PGAM5: variants seen among roughly 807,000 people sequenced by gnomAD.
PGAM5 encodes PGAM family member 5, mitochondrial serine/threonine protein phosphatase, also known as serine/threonine-protein phosphatase PGAM5, mitochondrial.
Under a neutral mutation model 30.6 loss-of-function variants are expected in PGAM5, and 25 were observed. The observed-to-expected ratio is 0.82, with a 90% CI of 0.60 to 1.14. The LOEUF (loss-of-function observed/expected upper bound fraction) is 1.14. Ranked by LOEUF, PGAM5 falls within the 50% of genes most tolerant of loss-of-function variation. The pLI, the probability that PGAM5 is intolerant of heterozygous loss-of-function variation, is 0.00. For synonymous variants in PGAM5, 201 were observed against 179.1 expected, an observed-to-expected ratio of 1.12 and a Z score of -0.98; for missense variants, 384 against 408.5, an observed-to-expected ratio of 0.94 and a Z score of 0.52.
chr12:132,715,078 T>C, intron 2 of PGAM5, 42 bp downstream of exon 2: 2 of 1,502,404 alleles, frequency 1.3e-6, no homozygotes, highest in Non-Finnish European at 1.8e-6. Flanking sequence ...CTCGTGGTTA[T>C]GTGGCCAGGT....
At position 132,710,906 on chromosome 12, in the gene PGAM5, G is replaced by A. The variant is rs1037229855; in HGVS notation, c.30G>A (p.Ala10=). Residue 10 remains alanine (A), a synonymous_variant, in exon 1 of 6, where the codon GCG becomes GCA. Coordinates refer to ENST00000498926, the MANE Select transcript of PGAM5 (RefSeq NM_001170543.2). ...CGTTCCGGCAGGCGCTGCAGCTGGC[G>A]GCCTGCGGGCTGGCCGGGGGCTCGG... The part of the protein sequence containing the change: MAFRQALQL[A]ACGLAGGSAA... 166 of 1,147,158 alleles carry A rather than the reference G, an allele frequency of 1.4e-4. No individual in the cohort carries two copies. Among genetic ancestry groups the A allele is most frequent in the Non-Finnish European group, 1.6e-4 (151 of 935,170 alleles). The allele number at this position is 1,147,158 out of a possible 1,614,324, so 71.1% of individuals were successfully genotyped here. A position where few individuals can be genotyped will look rare whatever the true frequency, so the allele number is the denominator to read the frequency against.
At position 132,717,764 on chromosome 12, in the gene PGAM5, A is replaced by T; in HGVS notation, c.551A>T (p.Asp184Val). Residue 184 changes from aspartate to valine, a missense_variant, in exon 4 of 6, where the codon GAC (aspartate) becomes GTC (valine). Physicochemically the swap from Asp to Val is radical, Grantham distance 152. Coordinates refer to ENST00000498926, the MANE Select transcript of PGAM5 (RefSeq NM_001170543.2). ...CGGGAAGGCGCCCCCATCGAGCCAGACCCGCCCGTGTCTCATTGGAAGCCG... is the reference window on the plus strand; with the variant it reads ...CGGGAAGGCGCCCCCATCGAGCCAGTCCCGCCCGTGTCTCATTGGAAGCCG... ...LLREGAPIEPDPPVSHWKPEA... is the reference protein window; with the variant it reads ...LLREGAPIEPVPPVSHWKPEA... 6.3e-7 allele frequency: 1 copy of T among 1,586,408 alleles called. No homozygotes were observed. The highest frequency in any genetic ancestry group is 8.6e-7 in the Non-Finnish European group (1 of 1,166,750).
chr12:132,711,382 C>CT, intron 1 of PGAM5: 1 of 207,352 alleles, frequency 4.8e-6, no homozygotes, highest in East Asian at 1.0e-4. Flanking sequence ...GCCGGGCCTC[C>CT]TTCAGGGGCG....
intron 1 of PGAM5, chr12:132,711,489 A>C (rs1008918072): frequency 6.5e-6 from 1 of 153,042 alleles, no homozygotes; most frequent in African/African-American, 2.4e-5. Context: ...ACGTCAATTT[A>C]AACTTAACGC....
chr12:132,717,711 C>T lies in PGAM5; in HGVS notation c.498C>T (p.Gly166=), dbSNP rs779878029. 5.7e-6 allele frequency: 9 copies of T among 1,571,070 alleles called. No homozygotes were observed. The highest frequency in any genetic ancestry group is 2.7e-5 in the African/African-American group (2 of 73,902). ...TTDIISRHLP[G]VCKVSTDLLR... The stretch of plus-strand genomic sequence containing the variant: ...GCGCTTCGCTGTGCTTCTCTGCAGG[C>T]GTCTGCAAAGTCAGCACAGATCTGC... Residue 166 remains glycine (G), a splice_region_variant and synonymous_variant, in exon 4 of 6, where the codon GGC becomes GGT. Coordinates refer to ENST00000498926, the MANE Select transcript of PGAM5 (RefSeq NM_001170543.2).
chr12:132,715,174 C>T, intron 2 of PGAM5, 138 bp downstream of exon 2: 2 of 821,364 alleles, frequency 2.4e-6, no homozygotes, highest in Non-Finnish European at 3.7e-6. Flanking sequence ...GTGCTTGGGG[C>T]ACTGGGCCTC....
chr12:132,713,819 CACCT>C (rs2043546194), intron 1 of PGAM5, among the ~76,000 whole-genome samples: 1 of 151,962 alleles, frequency 6.6e-6, no homozygotes, highest in Non-Finnish European at 1.5e-5. Context: ...AGCTGTGGAC[CACCT>C]TGCCCGGCTA....
chr12:132,714,156 C>T (rs868056706), intron 1 of PGAM5, among the ~76,000 whole-genome samples: 2 of 151,898 alleles, frequency 1.3e-5, no homozygotes, highest in African/African-American at 4.8e-5. Flanking sequence ...TAGCTGGGAT[C>T]ACAGGCGTGT....
Position 132,720,902 on chromosome 12 carries a change from C to A in PGAM5, c.*74C>A. ...ACTTAACGTTTTGTTCCCAAGGAGA[C>A]CGGCGGAAAGTAGAAACCTGCAATG... On this transcript the variant is annotated 3_prime_UTR_variant, in exon 6 of 6. Coordinates refer to ENST00000498926, the MANE Select transcript of PGAM5 (RefSeq NM_001170543.2). 1 of 1,456,876 alleles carries A rather than the reference C, an allele frequency of 6.9e-7. No individual in the cohort carries two copies. The allele number at this position is 1,456,876 out of a possible 1,614,324, so 90.2% of individuals were successfully genotyped here. A position where few individuals can be genotyped will look rare whatever the true frequency, so the allele number is the denominator to read the frequency against.
chr12:132,717,319 TGCGGGCGGAG>T, intron 2 of PGAM5, 110 bp from the exon 3 acceptor site: 1 of 1,145,504 alleles, frequency 8.7e-7, no homozygotes, highest in East Asian at 3.1e-5. Context: ...AGGGGGTGTT[TGCGGGCGGAG>T]GAGGGGGTGT....
chr12:132,711,019 C>CG lies in PGAM5; in HGVS notation c.149dup (p.Ala51ArgfsTer79). 2.5e-6 allele frequency: 3 copies of CG among 1,214,124 alleles called. No individual in the cohort carries two copies. Among genetic ancestry groups the CG allele is most frequent in the Admixed American group, 4.4e-5 (1 of 22,894 alleles). 75.2% of individuals were successfully genotyped at this position (1,214,124 alleles called of 1,614,324 possible). A position where few individuals can be genotyped will look rare whatever the true frequency, so the allele number is the denominator to read the frequency against. On this transcript the variant is annotated frameshift_variant, in exon 1 of 6. Transcript: ENST00000498926. LOFTEE classifies it high-confidence loss of function. ...CGCCCGGCTGAGCCGCCGGCCTGGG[C>CG]GGGGGGCGCGCGGCCGGGCCCCGGT... is the stretch of plus-strand genomic sequence containing the variant.
chr12:132,711,107 G>T (rs761551222), intron 1 of PGAM5, 40 bp downstream of exon 1: 357 of 1,186,230 alleles, frequency 3.0e-4, no homozygotes, highest in East Asian at 4.8e-4. Context: ...CGGGATGGGG[G>T]TCAGGGCAGG....
chr12:132,717,535 C>G lies in PGAM5; in HGVS notation c.467C>G (p.Thr156Ser). The G allele has an allele frequency of 1.2e-6, 2 of 1,610,872 alleles. No homozygotes were observed. The highest frequency in any genetic ancestry group is 1.7e-6 in the Non-Finnish European group (2 of 1,179,904). The change falls in exon 3 of 6, where the codon ACC becomes AGC. Residue 156 changes from threonine to serine, a missense_variant. Physicochemically the swap from Thr to Ser is moderately conservative, Grantham distance 58. Transcript: ENST00000498926. Reference protein sequence around the residue: ...VHSSMTRAIETTDIISRHLPG... With the variant: ...VHSSMTRAIESTDIISRHLPG... ...TCGTCTATGACGCGCGCCATAGAGA[C>G]CACCGATATCATCAGCCGGCACCTG...
chr12:132,718,907 C>A, intron 5 of PGAM5: 1 of 1,591,812 alleles, frequency 6.3e-7, no homozygotes, highest in Non-Finnish European at 8.6e-7. Context: ...ACAGCTGAGT[C>A]ACGTTGCTGC....
intron 5 of PGAM5, among the ~76,000 whole-genome samples, chr12:132,719,856 G>A (rs192609404): frequency 1.5e-4 from 23 of 152,240 alleles, no homozygotes; most frequent in African/African-American, 3.6e-4. Context: ...CCGCAAATGC[G>A]AATTGTGCCT....
intron 4 of PGAM5, 32 bp from the exon 5 acceptor site, chr12:132,717,955 T>G (rs563547261): frequency 6.2e-7 from 1 of 1,612,064 alleles, no homozygotes; most frequent in East Asian, 2.2e-5. Flanking sequence ...CCCGAGCACT[T>G]CCGCACTGAC....
rs4883606 is a variant in PGAM5 at position 132,722,187 on chromosome 12, A to G, written c.*1359A>G. On this transcript the variant is annotated 3_prime_UTR_variant, in exon 6 of 6. Coordinates refer to ENST00000498926, the MANE Select transcript of PGAM5 (RefSeq NM_001170543.2). ...ATTGAGTAAAATACTTCAGATTGAC[A>G]GCTCAATCTTAGTTTGCCTCCAGTT... The G allele has an allele frequency of 0.62, 94,006 of 151,406 alleles. 29,588 individuals are homozygous for G. Among genetic ancestry groups the G allele is most frequent in the East Asian group, 0.8 (4,101 of 5,130 alleles). The allele number at this position is 151,406 out of a possible 1,614,324, so 9.4% of individuals were successfully genotyped here.
intron 4 of PGAM5, 42 bp from the exon 5 acceptor site, chr12:132,717,944 GC>G: frequency 6.2e-7 from 1 of 1,610,200 alleles, no homozygotes; most frequent in Non-Finnish European, 8.5e-7. Context: ...CACCCGCCCT[GC>G]CCGAGCACTT....
At position 132,711,321 on chromosome 12, in the gene PGAM5, C is replaced by T. The variant is rs11614394; in HGVS notation, c.191+254C>T. On this transcript the variant is annotated intron_variant, in intron 1 of 5. Transcript: ENST00000498926. ...GCCCTTCTCCCCGCCCCTGCGAGTC[C>T]GCCCTGGGTGCCATCGCCGGAGCGC... 17,188 of 263,614 alleles carry T rather than the reference C, an allele frequency of 0.065. 676 individuals are homozygous for T. The highest frequency in any genetic ancestry group is 0.082 in the Non-Finnish European group (11,590 of 141,030). The allele number at this position is 263,614 out of a possible 1,614,324, so 16.3% of individuals were successfully genotyped here.
Sources: allele counts gnomAD v4.1 joint callset (sites outside exome capture counted in the v4.1 genomes callset), GRCh38; gene constraint gnomAD v4.1.1; transcripts MANE v1.5; gene names NCBI Gene and HGNC (gene_info 2026-07-23, HGNC 2026-07-21).